Variants in MCPH1 observed in about 807,000 individuals in gnomAD.
The protein encoded by MCPH1 is microcephalin 1.
Under a neutral mutation model 84.5 loss-of-function variants are expected in MCPH1, and 104 were observed. That is an observed-to-expected ratio of 1.23 (90% CI 1.05 to 1.45). MCPH1 has a LOEUF of 1.45. Among genes scored for constraint, MCPH1 ranks in the 40% most tolerant of loss-of-function variants. MCPH1 has a pLI of 0.00. For missense variants in MCPH1, 1,498 were observed against 1,005.7 expected (o/e 1.49, Z -6.62); for synonymous variants, 514 against 366.8 (o/e 1.40, Z -4.58).
chr8:6,451,056 A>T (rs1396163003), intron 8 of MCPH1, among the ~76,000 whole-genome samples: 1 of 152,228 alleles, frequency 6.6e-6, no homozygotes, highest in Non-Finnish European at 1.5e-5. Context: ...AGGAACTGTG[A>T]ATTACTATTG....
rs569375995 is a variant in MCPH1 at position 6,574,302 on chromosome 8, T to G, written c.2215-47152T>G. Among the ~76,000 whole-genome samples the G allele has an allele frequency of 2.6e-5, 4 of 152,282 alleles. No homozygotes were observed. The South Asian group carries it at 8.3e-4, about 32-fold the overall frequency. On this transcript the variant is annotated intron_variant, in intron 12 of 13. Coordinates refer to ENST00000344683, the MANE Select transcript of MCPH1 (RefSeq NM_024596.5). ...TAGGGGGTCCTTCCCTGTCCCATCC[T>G]AGCTTCTGGTGTTGCTGGCCTCATC...
intron 4 of MCPH1, among the ~76,000 whole-genome samples, chr8:6,433,008 C>T (rs1323611968): frequency 1.3e-5 from 2 of 152,180 alleles, no homozygotes; most frequent in East Asian, 1.9e-4. Context: ...CACACATGTA[C>T]ACACTCACAC....
rs529762290 is a variant in MCPH1 at position 6,448,233 on chromosome 8, C to T, written c.1825+2686C>T. Among the ~76,000 whole-genome samples, 26 of 152,318 alleles carry T rather than the reference C, an allele frequency of 1.7e-4. 1 individual carries two copies. Among genetic ancestry groups the T allele is most frequent in the Middle Eastern group, 3.4e-3 (1 of 294 alleles). On this transcript the variant is annotated intron_variant, in intron 8 of 13. Transcript: ENST00000344683. ...AAGGCTTCCCTGAGAAGGTGACATCCGATCACAGGCCTGGGGAGGGAGAGG... is the reference window on the plus strand; with the variant it reads ...AAGGCTTCCCTGAGAAGGTGACATCTGATCACAGGCCTGGGGAGGGAGAGG...
intron 12 of MCPH1, among the ~76,000 whole-genome samples, chr8:6,588,407 C>T (rs182345565): frequency 1.8e-4 from 28 of 152,124 alleles, no homozygotes; most frequent in African/African-American, 5.5e-4. Context: ...GGAGAATGTC[C>T]CTCAGAAAAT....
At chr8:6,488,890 G>C (rs1034848906) in intron 11 of MCPH1, among the ~76,000 whole-genome samples, 9 of 152,036 alleles carry the variant, frequency 5.9e-5, no homozygotes, top group South Asian at 2.1e-4. Flanking sequence ...CTAGAGGGGG[G>C]GTTGATAGGT....
chr8:6,554,675 C>T (rs1022922953), intron 12 of MCPH1, among the ~76,000 whole-genome samples: 1 of 152,058 alleles, frequency 6.6e-6, no homozygotes, highest in East Asian at 1.9e-4. Flanking sequence ...AAAAATAATT[C>T]ACAGACATGT....
At chr8:6,491,500 G>A (rs1039219658) in intron 11 of MCPH1, among the ~76,000 whole-genome samples, 5 of 146,436 alleles carry the variant, frequency 3.4e-5, no homozygotes, top group Non-Finnish European at 7.5e-5. Flanking sequence ...TATACTTTAA[G>A]TTCTAGGGTA....
intron 12 of MCPH1, among the ~76,000 whole-genome samples, chr8:6,504,282 C>T (rs1248242309): frequency 7.3e-6 from 1 of 137,486 alleles, no homozygotes; most frequent in Non-Finnish European, 1.5e-5. Context: ...CGCGCCACTG[C>T]ACTCCAGCCT....
chr8:6,598,582 TCC>T (rs2129578099), intron 12 of MCPH1, among the ~76,000 whole-genome samples: 1 of 152,316 alleles, frequency 6.6e-6, no homozygotes, highest in South Asian at 2.1e-4. Context: ...CAGGCTTTCT[TCC>T]CGAACACCCA....
At chr8:6,467,193 A>T (rs907059155) in intron 9 of MCPH1, among the ~76,000 whole-genome samples, 2 of 152,224 alleles carry the variant, frequency 1.3e-5, no homozygotes, top group African/African-American at 2.4e-5. Context: ...TTATATATCA[A>T]TAGTGAGTCT....
In MCPH1 at chr8:6,440,244, T is replaced by G. The variant is rs1803305028; in HGVS notation, c.580+1148T>G. ...AACCATATGGTTTGGTTGTTCTTGT[T>G]TTTTTGTTAAGCCATTTTCCTTTCT... is the stretch of plus-strand genomic sequence containing the variant. On this transcript the variant is annotated intron_variant, in intron 6 of 13. Transcript: ENST00000344683. 3.9e-5 allele frequency among the ~76,000 whole-genome samples: 6 copies of G among 152,210 alleles called. No homozygotes were observed. In the South Asian group the frequency reaches 1.2e-3, roughly 31 times the overall value.
intron 9 of MCPH1, among the ~76,000 whole-genome samples, chr8:6,455,868 A>T (rs1181757188): frequency 6.6e-6 from 1 of 152,180 alleles, no homozygotes; most frequent in Non-Finnish European, 1.5e-5. Context: ...CCAAAAAAGT[A>T]TAATGTAGTG....
At chr8:6,457,126 A>T (rs779351969) in intron 9 of MCPH1, among the ~76,000 whole-genome samples, 4 of 152,254 alleles carry the variant, frequency 2.6e-5, no homozygotes, top group African/African-American at 4.8e-5. Context: ...TGTGCTCAGG[A>T]ACAAAAATAT....
chr8:6,415,228 A>G (rs912064658), intron 3 of MCPH1, among the ~76,000 whole-genome samples: 1 of 152,008 alleles, frequency 6.6e-6, no homozygotes, highest in African/African-American at 2.4e-5. Context: ...GAGCAACAGA[A>G]AAGGACTTTC....
intron 12 of MCPH1, among the ~76,000 whole-genome samples, chr8:6,566,065 T>A (rs986204498): frequency 6.6e-6 from 1 of 151,924 alleles, no homozygotes; most frequent in Non-Finnish European, 1.5e-5. Flanking sequence ...GGTAATGCGG[T>A]GCAAAGCAGC....
rs141543755 is a variant in MCPH1 at position 6,547,059 on chromosome 8, G to T, written c.2214+47130G>T. Among the ~76,000 whole-genome samples, 946 of 152,176 alleles carry T rather than the reference G, an allele frequency of 6.2e-3. 6 individuals carry two copies. Among genetic ancestry groups the T allele is most frequent in the African/African-American group, 0.021 (891 of 41,536 alleles). On this transcript the variant is annotated intron_variant, in intron 12 of 13. Coordinates refer to ENST00000344683, the MANE Select transcript of MCPH1 (RefSeq NM_024596.5). ...AACATGCACGTGTTCCGTGTGTACC[G>T]TGGTTGCCTTCGGGCTAATGCGTTT...
chr8:6,621,990 G>C, intron 13 of MCPH1: 1 of 435,326 alleles, frequency 2.3e-6, no homozygotes. Context: ...CACCCCTGTG[G>C]GCACAGACTC....
Position 6,444,880 on chromosome 8 carries a change from G to C in MCPH1, c.1158G>C (p.Gln386His). 3.1e-6 allele frequency: 5 copies of C among 1,614,184 alleles called. No individual in the cohort carries two copies. The highest frequency in any genetic ancestry group is 4.2e-6 in the Non-Finnish European group (5 of 1,180,014). ...GGAGATCTATCATGCCGAGGCTGCA[G>C]CTGTGCAGGTCGGAAGACAGGCTGC... The part of the protein sequence containing the change: ...STRRSIMPRL[Q>H]LCRSEDRLQH... Residue 386 changes from glutamine to histidine, a missense_variant, in exon 8 of 14, where the codon CAG (glutamine) becomes CAC (histidine). Coordinates refer to ENST00000344683, the MANE Select transcript of MCPH1 (RefSeq NM_024596.5).
intron 12 of MCPH1, among the ~76,000 whole-genome samples, chr8:6,530,182 T>G (rs1819199501): frequency 6.6e-6 from 1 of 152,066 alleles, no homozygotes; most frequent in South Asian, 2.1e-4. Flanking sequence ...CATTACTAAT[T>G]TATTTTAATA....
Sources: allele counts gnomAD v4.1 joint callset (sites outside exome capture counted in the v4.1 genomes callset), GRCh38; gene constraint gnomAD v4.1.1; transcripts MANE v1.5; gene names NCBI Gene and HGNC (gene_info 2026-07-23, HGNC 2026-07-21).